RABEP1: variants seen among roughly 807,000 people sequenced by gnomAD.
The protein encoded by RABEP1 is rab GTPase-binding effector protein 1.
A neutral mutation model predicts 123.4 loss-of-function variants in RABEP1; 51 were observed. The observed-to-expected ratio is 0.41, with a 90% CI of 0.33 to 0.52. The LOEUF (loss-of-function observed/expected upper bound fraction) is 0.52. Among genes scored for constraint, RABEP1 ranks in the 20% least tolerant of loss-of-function variants. The pLI, the probability that RABEP1 is intolerant of heterozygous loss-of-function variation, is 0.16. For missense variants in RABEP1, 888 were observed against 996.3 expected (o/e 0.89, Z 1.46); for synonymous variants, 347 against 355.2 (o/e 0.98, Z 0.26).
At chr17:5,349,363 A>T (rs901061210) in intron 6 of RABEP1, among the ~76,000 whole-genome samples, 5 of 152,236 alleles carry the variant, frequency 3.3e-5, no homozygotes, top group African/African-American at 1.2e-4. Context: ...ATTGCAGAGA[A>T]GGCCGAGTTA....
At chr17:5,307,293 G>A (rs1215241285) in intron 1 of RABEP1, among the ~76,000 whole-genome samples, 1 of 152,232 alleles carries the variant, frequency 6.6e-6, no homozygotes, top group Non-Finnish European at 1.5e-5. Context: ...ACTGTAGCCT[G>A]GGCAACAGAG....
intron 1 of RABEP1, among the ~76,000 whole-genome samples, chr17:5,299,718 T>TC (rs2075116113): frequency 2.6e-5 from 3 of 113,990 alleles, no homozygotes; most frequent in East Asian, 1.1e-3. Context: ...TTTTTTCTTT[T>TC]CTTTTTCTTT....
chr17:5,337,632 G>T (rs1907219345), intron 4 of RABEP1, among the ~76,000 whole-genome samples: 1 of 152,190 alleles, frequency 6.6e-6, no homozygotes, highest in Non-Finnish European at 1.5e-5. Context: ...GGTGGAGCTT[G>T]CAGTGAGCGG....
In RABEP1 at chr17:5,282,450, C is replaced by T. The variant is rs1374087015; in HGVS notation, c.-37C>T. On this transcript the variant is annotated 5_prime_UTR_variant, in exon 1 of 18. Coordinates refer to ENST00000537505, the MANE Select transcript of RABEP1 (RefSeq NM_004703.6). Reference sequence around the variant, plus strand: ...CGCGGGAGCCCAGGACGCCGCTTCCCCGCCCATCCCCGCTCCCCGAGGCCG... The same window carrying T: ...CGCGGGAGCCCAGGACGCCGCTTCCTCGCCCATCCCCGCTCCCCGAGGCCG... 7.5e-7 allele frequency: 1 copy of T among 1,341,660 alleles called. No homozygotes were observed. Among genetic ancestry groups the T allele is most frequent in the Non-Finnish European group, 9.7e-7 (1 of 1,034,778 alleles). 83.1% of individuals were successfully genotyped at this position (1,341,660 alleles called of 1,614,324 possible). A position where few individuals can be genotyped will look rare whatever the true frequency, so the allele number is the denominator to read the frequency against.
intron 1 of RABEP1, among the ~76,000 whole-genome samples, chr17:5,299,731 C>CTTTTTTTTTTTTTTT (rs1171650180): frequency 4.1e-5 from 4 of 96,870 alleles, no homozygotes; most frequent in Non-Finnish European, 5.6e-5. Flanking sequence ...TTTTCTTTTT[C>CTTTTTTTTTTTTTTT]TTTTTTTTTT....
chr17:5,326,086 T>C (rs1905943279), intron 2 of RABEP1, among the ~76,000 whole-genome samples: 1 of 152,200 alleles, frequency 6.6e-6, no homozygotes, highest in Non-Finnish European at 1.5e-5. Context: ...GTAAGTTTAG[T>C]GCTTTCTTAC....
At chr17:5,382,539 A>C (rs1361272369) in intron 17 of RABEP1, among the ~76,000 whole-genome samples, 1 of 150,662 alleles carries the variant, frequency 6.6e-6, no homozygotes, top group Admixed American at 6.6e-5. Flanking sequence ...ACCTGAGGTC[A>C]GGAGTTTGAG....
chr17:5,354,470 G>A lies in RABEP1; in HGVS notation c.1075G>A (p.Ala359Thr), dbSNP rs372589870. Reference protein sequence around the residue: ...VCALTQEESSAQLSNEEEHLD... With the variant: ...VCALTQEESSTQLSNEEEHLD... ...TGCTTTAACTCAAGAAGAATCTTCA[G>A]CCCAGTTATCAAATGAAGAGGTATA... Residue 359 changes from alanine (A) to threonine (T), a missense_variant, in exon 8 of 18, where the codon GCC (alanine) becomes ACC (threonine). Ala to Thr is a moderately conservative substitution (Grantham distance 58). Coordinates refer to ENST00000537505, the MANE Select transcript of RABEP1 (RefSeq NM_004703.6). The A allele has an allele frequency of 7.4e-6, 12 of 1,611,362 alleles. No individual in the cohort carries two copies. Among genetic ancestry groups the A allele is most frequent in the African/African-American group, 6.7e-5 (5 of 74,802 alleles).
rs11432831 is a variant in RABEP1 at position 5,310,301 on chromosome 17, C to CTTTTTTTTTTTT, written c.163+1486_163+1497dup. Among the ~76,000 whole-genome samples, 52 of 126,408 alleles carry CTTTTTTTTTTTT rather than the reference C, an allele frequency of 4.1e-4. 4 individuals are homozygous for CTTTTTTTTTTTT. Among genetic ancestry groups the CTTTTTTTTTTTT allele is most frequent in the East Asian group, 7.5e-4 (3 of 3,980 alleles). 82.9% of individuals were successfully genotyped at this position (126,408 alleles called of 152,430 possible). ...TTACAATTTAAATGAAAGCTTCGTCCTTTTTTTTTTTTTTTTTTGAGATGG... is the reference window on the plus strand; with the variant it reads ...TTACAATTTAAATGAAAGCTTCGTCCTTTTTTTTTTTTTTTTTTTTTTTTTTTTTTGAGATGG... On this transcript the variant is annotated intron_variant, in intron 2 of 17. Transcript: ENST00000537505.
At chr17:5,310,721 C>A (rs2075230452) in intron 2 of RABEP1, among the ~76,000 whole-genome samples, 1 of 152,046 alleles carries the variant, frequency 6.6e-6, no homozygotes, top group African/African-American at 2.4e-5. Context: ...CAGTGGTTTT[C>A]CTCCTTGCGT....
chr17:5,336,290 T>A (rs930342385), intron 4 of RABEP1, among the ~76,000 whole-genome samples: 6 of 152,238 alleles, frequency 3.9e-5, no homozygotes, highest in African/African-American at 1.2e-4. Flanking sequence ...TGTTTTTGAT[T>A]ATCTGAAAAA....
At chr17:5,345,375 G>T (rs1391743838) in intron 5 of RABEP1, among the ~76,000 whole-genome samples, 2 of 152,126 alleles carry the variant, frequency 1.3e-5, no homozygotes, top group African/African-American at 4.8e-5. Flanking sequence ...ATGTCCATTT[G>T]TTGTTGGTTT....
chr17:5,378,996 T>C (rs1208834399), intron 15 of RABEP1, among the ~76,000 whole-genome samples: 2 of 152,204 alleles, frequency 1.3e-5, no homozygotes, highest in African/African-American at 2.4e-5. Context: ...CTAGTCTTGC[T>C]GTCCCCAGCT....
intron 12 of RABEP1, among the ~76,000 whole-genome samples, chr17:5,369,066 G>A (rs771598353): frequency 1.2e-4 from 18 of 151,896 alleles, no homozygotes; most frequent in South Asian, 2.1e-4. Context: ...CTGAGATCGC[G>A]CCACTGCACT....
In RABEP1 at chr17:5,385,682, C is replaced by CA. The variant is rs1239514533; in HGVS notation, c.*2460dup. 22 of 231,022 alleles carry CA rather than the reference C, an allele frequency of 9.5e-5. No individual in the cohort carries two copies. Among genetic ancestry groups the CA allele is most frequent in the Non-Finnish European group, 1.8e-4 (21 of 116,832 alleles). The allele number at this position is 231,022 out of a possible 1,614,324, so 14.3% of individuals were successfully genotyped here. A position where few individuals can be genotyped will look rare whatever the true frequency, so the allele number is the denominator to read the frequency against. On this transcript the variant is annotated 3_prime_UTR_variant, in exon 18 of 18. Transcript: ENST00000537505. ...TACAGCTTGTGAGGAAGTGAGCCAG[C>CA]AGTGGCCTTTGCAATTGTGGATCTT...
At chr17:5,327,347 C>CAAAAAAA (rs772982752) in intron 2 of RABEP1, among the ~76,000 whole-genome samples, 1 of 75,248 alleles carries the variant, frequency 1.3e-5, no homozygotes, top group East Asian at 3.7e-4. Context: ...GATTCTGTCT[C>CAAAAAAA]AAAAAAAAAA....
intron 1 of RABEP1, 131 bp from the exon 2 acceptor site, chr17:5,308,563 A>T: frequency 1.2e-6 from 1 of 818,804 alleles, no homozygotes; most frequent in Non-Finnish European, 1.9e-6. Context: ...ATCCTAGCAT[A>T]TGGTGGATTT....
intron 8 of RABEP1, among the ~76,000 whole-genome samples, chr17:5,360,682 A>T (rs1296485829): frequency 2.0e-5 from 3 of 151,974 alleles, no homozygotes; most frequent in Non-Finnish European, 4.4e-5. Context: ...TTGCCTACAC[A>T]CTCATCCTAC....
chr17:5,368,380 T>A lies in RABEP1; in HGVS notation c.1796T>A (p.Leu599His). 1 of 1,612,506 alleles carries A rather than the reference T, an allele frequency of 6.2e-7. No individual in the cohort carries two copies. The highest frequency in any genetic ancestry group is 8.5e-7 in the Non-Finnish European group (1 of 1,178,892). Residue 599 changes from leucine (L) to histidine (H), a missense_variant, in exon 12 of 18, where the codon CTC (leucine) becomes CAC (histidine). Transcript: ENST00000537505. ...SEDSSHQISALVLRAQASEIL... is the reference protein window; with the variant it reads ...SEDSSHQISAHVLRAQASEIL... ...TGTGTTTTTTTAAAGATCTCTGCAC[T>A]CGTCCTAAGAGCCCAGGCCTCCGAG...
Sources: gnomAD v4.1 joint callset for allele counts (sites outside exome capture counted in the v4.1 genomes callset) on GRCh38, gnomAD v4.1.1 for gene constraint, MANE v1.5 for transcripts, NCBI Gene and HGNC (gene_info 2026-07-23, HGNC 2026-07-21) for gene names.